The following TMEM135 variants were observed in gnomAD, a reference collection of about 807,000 sequenced individuals.
TMEM135 encodes the protein transmembrane protein 135, also known as peroxisomal membrane protein 52.
Under a neutral mutation model 60.3 loss-of-function variants are expected in TMEM135, and 30 were observed. That is an observed-to-expected ratio of 0.50 (90% CI 0.37 to 0.68). The LOEUF is 0.68. Ranked by LOEUF, TMEM135 falls within the 30% of genes least tolerant of loss-of-function variation. The pLI, the probability that TMEM135 is intolerant of heterozygous loss-of-function variation, is 0.00. For synonymous variants in TMEM135, 190 were observed against 186.7 expected, an observed-to-expected ratio of 1.02 and a Z score of -0.14; for missense variants, 468 against 548.8, an observed-to-expected ratio of 0.85 and a Z score of 1.47.
rs1285585154 is a variant in TMEM135 at position 87,328,448 on chromosome 11, G to T, written c.*7115G>T. The T allele has an allele frequency of 4.4e-6, 2 of 453,882 alleles. No individual in the cohort carries two copies. Among genetic ancestry groups the T allele is most frequent in the East Asian group, 1.4e-4 (2 of 14,400 alleles). The allele number at this position is 453,882 out of a possible 1,614,324, so 28.1% of individuals were successfully genotyped here. Reference sequence around the variant, plus strand: ...TATTGGTGAAGTCTGAAATTTTAGTGCACCTGTCACCAGAATAGTGTGCAT... The same window carrying T: ...TATTGGTGAAGTCTGAAATTTTAGTTCACCTGTCACCAGAATAGTGTGCAT... On this transcript the variant is annotated 3_prime_UTR_variant, in exon 15 of 15. Coordinates refer to ENST00000305494, the MANE Select transcript of TMEM135 (RefSeq NM_022918.4).
chr11:87,140,532 G>A (rs1414091288), intron 4 of TMEM135, among the ~76,000 whole-genome samples: 2 of 152,154 alleles, frequency 1.3e-5, no homozygotes, highest in Non-Finnish European at 2.9e-5. Context: ...AAGGTCCCTG[G>A]TACAAGGAGA....
intron 1 of TMEM135, among the ~76,000 whole-genome samples, chr11:87,041,691 T>C (rs1300274328): frequency 6.6e-6 from 1 of 152,252 alleles, no homozygotes; most frequent in Admixed American, 6.5e-5. Context: ...AACAGTGGTT[T>C]GTATTTAGAC....
intron 6 of TMEM135, among the ~76,000 whole-genome samples, chr11:87,257,153 C>T (rs954101992): frequency 1.3e-5 from 2 of 152,136 alleles, no homozygotes; most frequent in African/African-American, 4.8e-5. Flanking sequence ...TCCTCTTTTG[C>T]ATGCTGTCTG....
intron 4 of TMEM135, among the ~76,000 whole-genome samples, chr11:87,157,136 C>T (rs633211): frequency 0.24 from 35,504 of 148,742 alleles, 5,015 homozygotes; most frequent in East Asian, 0.61. Context: ...AATCATAGCT[C>T]ACTGTAGCCT....
chr11:87,148,286 A>G (rs1018399238), intron 4 of TMEM135, among the ~76,000 whole-genome samples: 34 of 152,222 alleles, frequency 2.2e-4, no homozygotes, highest in African/African-American at 8.0e-4. Context: ...ATGAAAAGCA[A>G]TCTCTTTAGC....
intron 5 of TMEM135, among the ~76,000 whole-genome samples, chr11:87,169,955 G>A (rs1441786878): frequency 6.6e-6 from 1 of 151,924 alleles, no homozygotes; most frequent in East Asian, 1.9e-4. Context: ...CATAGGTTTG[G>A]TCTTTTCATA....
intron 5 of TMEM135, among the ~76,000 whole-genome samples, chr11:87,184,878 C>T (rs753742437): frequency 2.6e-5 from 4 of 152,040 alleles, no homozygotes; most frequent in Admixed American, 1.3e-4. Flanking sequence ...TGGCAAACAT[C>T]CTGTTTGCTA....
intron 6 of TMEM135, among the ~76,000 whole-genome samples, chr11:87,291,065 C>T (rs1338225972): frequency 6.6e-6 from 1 of 152,118 alleles, no homozygotes; most frequent in Non-Finnish European, 1.5e-5. Flanking sequence ...TGGACATTTT[C>T]TTTACAATTA....
intron 5 of TMEM135, among the ~76,000 whole-genome samples, chr11:87,215,352 T>G (rs1940478289): frequency 6.6e-6 from 1 of 152,234 alleles, no homozygotes; most frequent in African/African-American, 2.4e-5. Context: ...TGCTCATGAT[T>G]CTGTGAGTCA....
rs1234317550 is a variant in TMEM135 at position 87,195,382 on chromosome 11, C to T, written c.462+37976C>T. Among the ~76,000 whole-genome samples, 423 of 67,148 alleles carry T rather than the reference C, an allele frequency of 6.3e-3. 16 individuals are homozygous for T. The highest frequency in any genetic ancestry group is 8.5e-3 in the Non-Finnish European group (277 of 32,758). The allele number at this position is 67,148 out of a possible 152,430, so 44.1% of individuals were successfully genotyped here. On this transcript the variant is annotated intron_variant, in intron 5 of 14. Coordinates refer to ENST00000305494, the MANE Select transcript of TMEM135 (RefSeq NM_022918.4). ...CCTTCCTTCCTTCCTTCCTTCCTTC[C>T]TTCCTTCCTTCTCTCTCTCTCTCTC...
chr11:87,199,204 AC>A (rs1940038107), intron 5 of TMEM135, among the ~76,000 whole-genome samples: 1 of 152,168 alleles, frequency 6.6e-6, no homozygotes, highest in Admixed American at 6.5e-5. Context: ...TACTAAAAAT[AC>A]AAAAATTAGC....
intron 4 of TMEM135, among the ~76,000 whole-genome samples, chr11:87,126,571 GGGTTT>G (rs1413433541): frequency 1.1e-4 from 17 of 148,468 alleles, no homozygotes; most frequent in Admixed American, 2.1e-4. Flanking sequence ...AAAGTGCTAA[GGGTTT>G]TGTTTTGCTT....
At chr11:87,246,836 G>T (rs28783767) in intron 6 of TMEM135, among the ~76,000 whole-genome samples, 1 of 99,502 alleles carries the variant, frequency 1.0e-5, no homozygotes. Context: ...TTGTCTGAAG[G>T]CTTCTTCTCT....
intron 5 of TMEM135, among the ~76,000 whole-genome samples, chr11:87,186,149 C>T (rs1428574021): frequency 1.3e-5 from 2 of 152,148 alleles, no homozygotes; most frequent in African/African-American, 4.8e-5. Context: ...TCATGATCTG[C>T]CCGCCTTGGC....
chr11:87,215,303 C>T (rs1452080585), intron 5 of TMEM135, among the ~76,000 whole-genome samples: 1 of 152,016 alleles, frequency 6.6e-6, no homozygotes, highest in Non-Finnish European at 1.5e-5. Flanking sequence ...AATGAACTAC[C>T]CCAAAACTTA....
rs767894704 is a variant in TMEM135 at position 87,326,755 on chromosome 11, A to C, written c.*5422A>C. 2 of 446,564 alleles carry C rather than the reference A, an allele frequency of 4.5e-6. No homozygotes were observed. The highest frequency in any genetic ancestry group is 3.2e-5 in the South Asian group (2 of 62,200). The allele number at this position is 446,564 out of a possible 1,614,324, so 27.7% of individuals were successfully genotyped here. On this transcript the variant is annotated 3_prime_UTR_variant, in exon 15 of 15. Coordinates refer to ENST00000305494, the MANE Select transcript of TMEM135 (RefSeq NM_022918.4). ...AAAATTGAAGGTAAATAATATCTGC[A>C]AAGCTTCAGGAAGAAATTCAGTTGC...
intron 6 of TMEM135, among the ~76,000 whole-genome samples, chr11:87,279,031 TTTG>T (rs1317388694): frequency 6.6e-6 from 1 of 152,074 alleles, no homozygotes; most frequent in Non-Finnish European, 1.5e-5. Flanking sequence ...GTATTAGTAG[TTTG>T]TTCTTCTTTA....
chr11:87,159,618 C>CACACACACACACACACACA (rs372663419), intron 5 of TMEM135, among the ~76,000 whole-genome samples: 1 of 95,118 alleles, frequency 1.1e-5, no homozygotes, highest in African/African-American at 3.8e-5. Context: ...CACACACACA[C>CACACACACACACACACACA]CATAGATTTT....
intron 5 of TMEM135, among the ~76,000 whole-genome samples, chr11:87,231,971 A>C (rs1252426980): frequency 1.4e-5 from 2 of 145,562 alleles, no homozygotes; most frequent in Non-Finnish European, 3.0e-5. Context: ...TTTTTTTTTG[A>C]GACAGAGTCT....
Sources: allele counts gnomAD v4.1 joint callset (sites outside exome capture counted in the v4.1 genomes callset), GRCh38; gene constraint gnomAD v4.1.1; transcripts MANE v1.5; gene names NCBI Gene and HGNC (gene_info 2026-07-23, HGNC 2026-07-21).